STK10: variants seen among roughly 807,000 people sequenced by gnomAD.
STK10 encodes the protein serine/threonine-protein kinase 10.
Under a neutral mutation model 113.8 loss-of-function variants are expected in STK10, and 78 were observed. That is an observed-to-expected ratio of 0.69 (90% CI 0.57 to 0.83). The LOEUF (loss-of-function observed/expected upper bound fraction) is 0.83. Ranked by LOEUF, STK10 falls within the 40% of genes least tolerant of loss-of-function variation. The pLI is 0.00. For missense variants in STK10, 1,109 were observed against 1,280.1 expected (o/e 0.87, Z 2.04); for synonymous variants, 465 against 494.7 (o/e 0.94, Z 0.80).
At chr5:172,102,749 C>T (rs1358759385) in intron 7 of STK10, among the ~76,000 whole-genome samples, 4 of 152,086 alleles carry the variant, frequency 2.6e-5, no homozygotes, top group African/African-American at 4.8e-5. Context: ...ATAGAGTGGA[C>T]GGGTTTAAGA....
Position 172,072,510 on chromosome 5 carries a change from C to T in STK10, c.1990-7698G>A, listed in dbSNP as rs531056643. Among the ~76,000 whole-genome samples, 8 of 152,276 alleles carry T rather than the reference C, an allele frequency of 5.3e-5. No homozygotes were observed. The East Asian group carries it at 1.2e-3, about 22-fold the overall frequency. On this transcript the variant is annotated intron_variant, in intron 12 of 18. Coordinates refer to ENST00000176763, the MANE Select transcript of STK10 (RefSeq NM_005990.4). ...GTCTCGATCTCCTGACCTTGTGATC[C>T]GCCTGCCTCGGCCTCCCAAAGTGCT...
rs3836825 is a variant in STK10 at position 172,107,678 on chromosome 5, T to TGCCCACAGGCTGACCAGGC, written c.593+101_593+102insGCCTGGTCAGCCTGTGGGC. On this transcript the variant is annotated intron_variant, in intron 5 of 18. Coordinates refer to ENST00000176763, the MANE Select transcript of STK10 (RefSeq NM_005990.4). ...CTAGTAAGCCACGAGGCAGGGCGTGTAGCCCTTGTCTTCCGGCCCCTCTCT... is the reference window on the plus strand; with the variant it reads ...CTAGTAAGCCACGAGGCAGGGCGTGTGCCCACAGGCTGACCAGGCAGCCCTTGTCTTCCGGCCCCTCTCT... 1.0e-5 allele frequency: 11 copies of TGCCCACAGGCTGACCAGGC among 1,075,886 alleles called. No homozygotes were observed. In the South Asian group the frequency reaches 1.3e-4, roughly 13 times the overall value. The allele number at this position is 1,075,886 out of a possible 1,614,324, so 66.6% of individuals were successfully genotyped here. A position where few individuals can be genotyped will look rare whatever the true frequency, so the allele number is the denominator to read the frequency against.
At chr5:172,158,677 A>C (rs911417186) in intron 1 of STK10, among the ~76,000 whole-genome samples, 3 of 152,220 alleles carry the variant, frequency 2.0e-5, no homozygotes, top group African/African-American at 7.2e-5. Context: ...AATGCGGTAT[A>C]TCCACACACT....
Position 172,057,428 on chromosome 5 carries a change from T to A in STK10, c.2258A>T (p.Glu753Val), listed in dbSNP as rs1432647985. Residue 753 changes from glutamate to valine, a missense_variant, in exon 15 of 19, where the codon GAG becomes GTG. Transcript: ENST00000176763. ...LWEMEEHQLQ[E>V]RHQLVKQQLK... ...CTGCTGCTTCACCAGCTGGTGCCTC[T>A]CCTGCAGCTGGTGCTCTTCCATCTC... is the stretch of plus-strand genomic sequence containing the variant. The A allele has an allele frequency of 6.4e-7, 1 of 1,551,526 alleles. No homozygotes were observed. The highest frequency in any genetic ancestry group is 2.0e-5 in the Admixed American group (1 of 51,142).
intron 2 of STK10, among the ~76,000 whole-genome samples, chr5:172,147,138 A>G (rs1770102999): frequency 6.6e-6 from 1 of 152,214 alleles, no homozygotes; most frequent in African/African-American, 2.4e-5. Flanking sequence ...AGATATTACA[A>G]AAGATACAGA....
intron 10 of STK10, 84 bp downstream of exon 10, chr5:172,090,148 G>T: frequency 6.5e-7 from 1 of 1,549,728 alleles, no homozygotes; most frequent in Non-Finnish European, 8.7e-7. Context: ...TAGACAGACA[G>T]CCCTCTCACC....
intron 4 of STK10, chr5:172,115,203 T>A (rs541635909): frequency 6.6e-6 from 1 of 152,476 alleles, no homozygotes; most frequent in Non-Finnish European, 1.5e-5. Flanking sequence ...GCCGGGCCTG[T>A]GGGAGACCCC....
intron 1 of STK10, among the ~76,000 whole-genome samples, chr5:172,174,610 A>G (rs1168694078): frequency 1.3e-5 from 2 of 152,182 alleles, no homozygotes; most frequent in Non-Finnish European, 2.9e-5. Context: ...GAGAAACACA[A>G]GAGAATCCCA....
intron 4 of STK10, among the ~76,000 whole-genome samples, chr5:172,116,290 C>G (rs1410782221): frequency 6.6e-6 from 1 of 152,026 alleles, no homozygotes; most frequent in Non-Finnish European, 1.5e-5. Context: ...CCATGTTGGC[C>G]AGGCTGGTCC....
At chr5:172,127,570 C>A (rs575381311) in intron 2 of STK10, 149 bp from the exon 3 acceptor site, 1 of 732,788 alleles carries the variant, frequency 1.4e-6, no homozygotes. Context: ...CTTGGGAGCC[C>A]GTCCCCCTCC....
At chr5:172,050,460 G>A (rs921567348) in intron 18 of STK10, among the ~76,000 whole-genome samples, 1 of 152,184 alleles carries the variant, frequency 6.6e-6, no homozygotes, top group East Asian at 1.9e-4. Flanking sequence ...GGGAGGCTGA[G>A]ACAGGAGAAC....
chr5:172,147,071 G>A (rs1770102030), intron 2 of STK10, among the ~76,000 whole-genome samples: 2 of 152,172 alleles, frequency 1.3e-5, no homozygotes, highest in African/African-American at 4.8e-5. Flanking sequence ...TAATTTGCTG[G>A]AACTGGCTCA....
At chr5:172,122,564 C>T (rs1326517551) in intron 3 of STK10, among the ~76,000 whole-genome samples, 1 of 152,224 alleles carries the variant, frequency 6.6e-6, no homozygotes, top group East Asian at 1.9e-4. Flanking sequence ...GACACCACAT[C>T]TAATTCTAGC....
chr5:172,169,391 C>T (rs3822511), intron 1 of STK10, among the ~76,000 whole-genome samples: 24,417 of 151,616 alleles, frequency 0.16, 2,736 homozygotes, highest in African/African-American at 0.3. Context: ...CAGACAAGCA[C>T]ATGGAGGAGT....
chr5:172,108,947 G>C (rs2113767518), intron 4 of STK10, among the ~76,000 whole-genome samples: 1 of 152,102 alleles, frequency 6.6e-6, no homozygotes, highest in African/African-American at 2.4e-5. Flanking sequence ...GACATGCCCA[G>C]CTAATTTTTG....
intron 1 of STK10, among the ~76,000 whole-genome samples, chr5:172,170,874 AGAG>A (rs1458110464): frequency 1.3e-5 from 2 of 152,180 alleles, no homozygotes; most frequent in Middle Eastern, 3.2e-3. Flanking sequence ...CTCGCTACCC[AGAG>A]GAGGACAGTG....
chr5:172,178,380 C>T (rs1371790054), intron 1 of STK10, among the ~76,000 whole-genome samples: 2 of 152,182 alleles, frequency 1.3e-5, no homozygotes, highest in East Asian at 1.9e-4. Context: ...TTATCACCAT[C>T]CCGCCTGCCG....
Position 172,093,073 on chromosome 5 carries a change from T to C in STK10, c.1554+339A>G, listed in dbSNP as rs969317477. On this transcript the variant is annotated intron_variant, in intron 9 of 18. Coordinates refer to ENST00000176763, the MANE Select transcript of STK10 (RefSeq NM_005990.4). The surrounding 1 kb of genome is among the most constrained non-coding windows in gnomAD (Gnocchi z 4.1). ...GCGGGGAAGATGGCTTTGAGCTGTT[T>C]CCTTTAGTTGGATTTACCAGTTATC... 6.6e-6 allele frequency among the ~76,000 whole-genome samples: 1 copy of C among 152,228 alleles called. No individual in the cohort carries two copies. The highest frequency in any genetic ancestry group is 2.1e-4 in the South Asian group (1 of 4,830).
intron 10 of STK10, among the ~76,000 whole-genome samples, chr5:172,087,492 CT>C (rs1768593597): frequency 6.6e-6 from 1 of 152,046 alleles, no homozygotes; most frequent in African/African-American, 2.4e-5. Flanking sequence ...CCAGGCTTTT[CT>C]CGAACTCCTG....
Sources: gnomAD v4.1 joint callset for allele counts (sites outside exome capture counted in the v4.1 genomes callset) on GRCh38, gnomAD v4.1.1 for gene constraint, Gnocchi (gnomAD v3.1) non-coding constraint, MANE v1.5 for transcripts, NCBI Gene and HGNC (gene_info 2026-07-23, HGNC 2026-07-21) for gene names.